Variants in DPYD observed in about 807,000 individuals in gnomAD.
DPYD encodes dihydropyrimidine dehydrogenase.
In DPYD, 109 loss-of-function variants were observed where a neutral mutation model predicts 116.2. The observed-to-expected ratio is 0.94, with a 90% CI of 0.80 to 1.10. DPYD has a LOEUF of 1.10. Among genes scored for constraint, DPYD ranks in the 50% least tolerant of loss-of-function variants. DPYD has a pLI of 0.00. For missense variants in DPYD, 1,302 were observed against 1,254.5 expected (o/e 1.04, Z -0.57); for synonymous variants, 440 against 432.0 (o/e 1.02, Z -0.23).
chr1:97,114,473 A>G (rs182628958), intron 20 of DPYD, among the ~76,000 whole-genome samples: 2 of 152,318 alleles, frequency 1.3e-5, no homozygotes, highest in Admixed American at 1.3e-4. Flanking sequence ...ATTTTATAAG[A>G]GAATGATTTC....
At chr1:97,251,392 A>T (rs1663081048) in intron 18 of DPYD, among the ~76,000 whole-genome samples, 1 of 11,066 alleles carries the variant, frequency 9.0e-5, no homozygotes, top group South Asian at 7.4e-3. Context: ...AACTCTGTCT[A>T]AAAAAAAAAA....
intron 16 of DPYD, among the ~76,000 whole-genome samples, chr1:97,359,707 T>A (rs1670617258): frequency 6.6e-6 from 1 of 152,136 alleles, no homozygotes; most frequent in Admixed American, 6.6e-5. Flanking sequence ...CCAGCCAAAC[T>A]AAGCTTCATA....
chr1:97,203,309 C>T (rs528968690), intron 19 of DPYD, among the ~76,000 whole-genome samples: 9 of 152,106 alleles, frequency 5.9e-5, no homozygotes, highest in African/African-American at 2.2e-4. Context: ...GACTCAAATC[C>T]TTAATTTTAG....
chr1:97,669,662 T>C (rs1312096102), intron 8 of DPYD, among the ~76,000 whole-genome samples: 1 of 152,116 alleles, frequency 6.6e-6, no homozygotes, highest in Non-Finnish European at 1.5e-5. Flanking sequence ...GAGAAAGAGA[T>C]TATTAGATCA....
chr1:97,840,185 A>T (rs1178380806), intron 2 of DPYD, among the ~76,000 whole-genome samples: 3 of 152,156 alleles, frequency 2.0e-5, no homozygotes, highest in African/African-American at 7.2e-5. Context: ...GCATCAAAAT[A>T]TAAATCAGGA....
intron 18 of DPYD, chr1:97,280,025 C>T (rs1326976124): frequency 6.6e-6 from 1 of 152,106 alleles, no homozygotes; most frequent in African/African-American, 2.4e-5. Context: ...AGAGAAAAGA[C>T]CTGAAGATAC....
intron 16 of DPYD, among the ~76,000 whole-genome samples, chr1:97,323,760 T>G (rs1232633203): frequency 6.7e-6 from 1 of 148,848 alleles, no homozygotes; most frequent in Non-Finnish European, 1.5e-5. Context: ...TAAAAACAAA[T>G]CCACAGAGAA....
chr1:97,618,154 A>G (rs1430611541), intron 8 of DPYD, among the ~76,000 whole-genome samples: 1 of 152,200 alleles, frequency 6.6e-6, no homozygotes, highest in East Asian at 1.9e-4. Context: ...TGATAAGGAC[A>G]TTAAAGCTTT....
At chr1:97,492,471 T>C (rs886494674) in intron 13 of DPYD, among the ~76,000 whole-genome samples, 2 of 152,164 alleles carry the variant, frequency 1.3e-5, no homozygotes, top group Non-Finnish European at 2.9e-5. Context: ...TTCATTAAAA[T>C]CCATTCTTAT....
intron 21 of DPYD, among the ~76,000 whole-genome samples, chr1:97,092,285 A>T (rs1381781412): frequency 6.6e-6 from 1 of 152,198 alleles, no homozygotes; most frequent in Non-Finnish European, 1.5e-5. Flanking sequence ...GTGGTTGCAC[A>T]TTAAAGATTA....
At chr1:97,750,161 A>C (rs1219917892) in intron 3 of DPYD, among the ~76,000 whole-genome samples, 1 of 152,130 alleles carries the variant, frequency 6.6e-6, no homozygotes. Context: ...GCAAACTTCA[A>C]AACAGAGAAA....
Position 97,594,971 on chromosome 1 carries a change from A to G in DPYD, c.958+88T>C, listed in dbSNP as rs1055161924. ...GCAAGGTTGGGTGTGAGAGCTGAACAATGTGCTGCTGAGCTTGATTTTGAT... is the reference window on the plus strand; with the variant it reads ...GCAAGGTTGGGTGTGAGAGCTGAACGATGTGCTGCTGAGCTTGATTTTGAT... On this transcript the variant is annotated intron_variant, in intron 9 of 22. Coordinates refer to ENST00000370192, the MANE Select transcript of DPYD (RefSeq NM_000110.4). 6.2e-6 allele frequency: 7 copies of G among 1,125,548 alleles called. No individual in the cohort carries two copies. In the African/African-American group the frequency reaches 1.1e-4, roughly 17 times the overall value. The allele number at this position is 1,125,548 out of a possible 1,614,324, so 69.7% of individuals were successfully genotyped here.
At chr1:97,354,430 A>AC (rs35346681) in intron 16 of DPYD, among the ~76,000 whole-genome samples, 8,307 of 152,244 alleles carry the variant, frequency 0.055, 324 homozygotes, top group East Asian at 0.17. Flanking sequence ...TCATTCTTAA[A>AC]CAAAATGATT....
intron 5 of DPYD, among the ~76,000 whole-genome samples, chr1:97,703,362 AC>A (rs1338268845): frequency 6.6e-6 from 1 of 151,976 alleles, no homozygotes; most frequent in Non-Finnish European, 1.5e-5. Flanking sequence ...AAGTCCTTTA[AC>A]ATTTCTATGC....
At chr1:97,151,453 C>G (rs778806551) in intron 20 of DPYD, among the ~76,000 whole-genome samples, 1 of 152,110 alleles carries the variant, frequency 6.6e-6, no homozygotes, top group Non-Finnish European at 1.5e-5. Flanking sequence ...GCAGGCAGAT[C>G]ACCTGAGGTC....
chr1:97,755,401 C>A lies in DPYD; in HGVS notation c.234-14922G>T, dbSNP rs183716357. ...TCCTAAACCTTGGAAGACTGGCCCA[C>A]AATGGGTCTTAGGCTCCTGTTTTCC... On this transcript the variant is annotated intron_variant, in intron 3 of 22. Transcript: ENST00000370192. 2.3e-3 allele frequency among the ~76,000 whole-genome samples: 344 copies of A among 152,296 alleles called. 1 individual carries two copies. Among genetic ancestry groups the A allele is most frequent in the Non-Finnish European group, 3.9e-3 (264 of 68,032 alleles).
chr1:97,751,132 T>C (rs1234824420), intron 3 of DPYD, among the ~76,000 whole-genome samples: 3 of 151,962 alleles, frequency 2.0e-5, no homozygotes, highest in African/African-American at 7.3e-5. Context: ...GTAGGTATAA[T>C]TGAACAACAG....
chr1:97,249,660 CAA>C (rs773793389), intron 18 of DPYD, among the ~76,000 whole-genome samples: 2 of 151,506 alleles, frequency 1.3e-5, no homozygotes, highest in Non-Finnish European at 2.9e-5. Flanking sequence ...ATAAAGAAGC[CAA>C]AGTCTAGAAA....
chr1:97,382,329 T>C (rs1350783782), intron 15 of DPYD, 64 bp downstream of exon 15: 4 of 970,430 alleles, frequency 4.1e-6, no homozygotes, highest in African/African-American at 3.4e-5. Context: ...GGCAGCTCTT[T>C]ATTTAAAACT....
Sources: gnomAD v4.1 joint callset for allele counts (sites outside exome capture counted in the v4.1 genomes callset) on GRCh38, gnomAD v4.1.1 for gene constraint, MANE v1.5 for transcripts, NCBI Gene and HGNC (gene_info 2026-07-23, HGNC 2026-07-21) for gene names.